CREBBP: variants seen among roughly 807,000 people sequenced by gnomAD.
The protein encoded by CREBBP is CREB-binding protein.
Under a neutral mutation model 265.0 loss-of-function variants are expected in CREBBP, and 19 were observed. The ratio of observed to expected loss-of-function variants is 0.07; its 90% confidence interval spans 0.05 to 0.11. The LOEUF (loss-of-function observed/expected upper bound fraction) is 0.11. Among genes scored for constraint, CREBBP ranks in the 10% least tolerant of loss-of-function variants. The probability of loss-of-function intolerance (pLI) is 1.00; values close to 1 mark genes in which losing one functional copy is unlikely to be tolerated. For synonymous variants in CREBBP, 1,457 were observed against 1,223.7 expected (o/e 1.19, Z -3.98); for missense variants, 2,525 against 3,219.0 (o/e 0.78, Z 5.22).
rs201851173 is a variant in CREBBP, at chr16:3,727,692, A to G, written c.*26T>C. On this transcript the variant is annotated 3_prime_UTR_variant, in exon 31 of 31. Coordinates refer to ENST00000262367, the MANE Select transcript of CREBBP (RefSeq NM_004380.3). ...AGTACAAAAGGTCCAAGAACATGAA[A>G]GGGAAAAGGTGATGCTCTCACAATG... 274 of 1,612,360 alleles carry G rather than the reference A, an allele frequency of 1.7e-4. No individual in the cohort carries two copies. In the African/African-American group the frequency reaches 3.3e-3, roughly 19 times the overall value.
At position 3,810,678 on chromosome 16, in the gene CREBBP, T is replaced by C; in HGVS notation, c.900A>G (p.Lys300=). The C allele has an allele frequency of 6.2e-7, 1 of 1,613,918 alleles. No individual in the cohort carries two copies. The highest frequency in any genetic ancestry group is 8.5e-7 in the Non-Finnish European group (1 of 1,180,002). The change falls in exon 3 of 31, where the codon AAA becomes AAG. Residue 300 remains lysine, a synonymous_variant. Transcript: ENST00000262367. ...TGGGCAAACTGTTGACCATGCTCTGTTTGCTGGCTAACTGGGGGTTCACTC... is the reference window on the plus strand; with the variant it reads ...TGGGCAAACTGTTGACCATGCTCTGCTTGCTGGCTAACTGGGGGTTCACTC... ...ATGVNPQLAS[K]QSMVNSLPTF... is the part of the protein sequence containing the mutation.
chr16:3,789,629 A>G (rs1197424172), intron 5 of CREBBP, among the ~76,000 whole-genome samples: 2 of 152,214 alleles, frequency 1.3e-5, no homozygotes, highest in African/African-American at 4.8e-5. Flanking sequence ...CACGATAAGC[A>G]TAATTTGCTT....
chr16:3,869,556 T>C (rs1391388210), intron 1 of CREBBP, among the ~76,000 whole-genome samples: 6 of 152,214 alleles, frequency 3.9e-5, no homozygotes, highest in Non-Finnish European at 8.8e-5. Context: ...TGCTGTCCAA[T>C]ACCGTAGTGA....
chr16:3,830,844 C>T (rs753313389), intron 2 of CREBBP, among the ~76,000 whole-genome samples: 4 of 152,166 alleles, frequency 2.6e-5, no homozygotes, highest in Admixed American at 1.3e-4. Flanking sequence ...TGCAGTGGCG[C>T]GATCTCAGCT....
chr16:3,729,134 G>GTGC lies in CREBBP; in HGVS notation c.5910_5912dup (p.Gln1970dup). ...TGTTGTTGATGTTCACCCGGTACAG[G>GTGC]TGCTGCTGCTGCTGGGCCTCACGCT... On this transcript the variant is annotated inframe_insertion, in exon 31 of 31. Transcript: ENST00000262367. 1 of 1,570,876 alleles carries GTGC rather than the reference G, an allele frequency of 6.4e-7. No individual in the cohort carries two copies. The highest frequency in any genetic ancestry group is 8.6e-7 in the Non-Finnish European group (1 of 1,165,096).
At chr16:3,792,431 A>C (rs1264551884) in intron 4 of CREBBP, among the ~76,000 whole-genome samples, 1 of 152,246 alleles carries the variant, frequency 6.6e-6, no homozygotes, top group Non-Finnish European at 1.5e-5. Context: ...CACTATTTAA[A>C]ATAAAAATGT....
chr16:3,774,495 T>C, intron 12 of CREBBP, 74 bp downstream of exon 12: 2 of 1,597,344 alleles, frequency 1.3e-6, no homozygotes, highest in Non-Finnish European at 1.7e-6. Flanking sequence ...TCAAGTGACA[T>C]GAATTCTGCT....
intron 11 of CREBBP, among the ~76,000 whole-genome samples, chr16:3,777,397 GCTT>G (rs1455799788): frequency 2.6e-5 from 4 of 151,964 alleles, no homozygotes; most frequent in East Asian, 1.9e-4. Flanking sequence ...GCTAAATACT[GCTT>G]CTTATCTCTT....
chr16:3,744,789 G>A (rs1567276626), intron 23 of CREBBP, 105 bp downstream of exon 23: 5 of 882,674 alleles, frequency 5.7e-6, no homozygotes, highest in Admixed American at 1.9e-5. Context: ...TTTGACAACC[G>A]AACCTCAGAA....
At chr16:3,744,053 C>T (rs1466416650) in intron 23 of CREBBP, among the ~76,000 whole-genome samples, 5 of 151,960 alleles carry the variant, frequency 3.3e-5, no homozygotes, top group Admixed American at 6.6e-5. Context: ...TCCAGCCTGG[C>T]GACAGAGCGA....
At chr16:3,753,895 T>G (rs2151376967) in intron 19 of CREBBP, among the ~76,000 whole-genome samples, 1 of 152,120 alleles carries the variant, frequency 6.6e-6, no homozygotes, top group Middle Eastern at 3.4e-3. Context: ...CACAGGTGAG[T>G]CTAAATGGTT....
At chr16:3,745,503 ATTTT>A (rs2052321487) in intron 21 of CREBBP, 149 bp from the exon 22 acceptor site, 1 of 716,824 alleles carries the variant, frequency 1.4e-6, no homozygotes, top group Admixed American at 2.0e-5. Flanking sequence ...ATTCAGCTAT[ATTTT>A]ACAATGCATC....
intron 11 of CREBBP, among the ~76,000 whole-genome samples, chr16:3,776,187 G>A (rs2053134436): frequency 6.6e-6 from 1 of 151,904 alleles, no homozygotes; most frequent in African/African-American, 2.4e-5. Context: ...CAAAGTGCTG[G>A]GATTACAGGT....
At chr16:3,751,274 T>G (rs2151372635) in intron 20 of CREBBP, among the ~76,000 whole-genome samples, 1 of 152,236 alleles carries the variant, frequency 6.6e-6, no homozygotes, top group Middle Eastern at 3.4e-3. Flanking sequence ...TATACACATA[T>G]TCAAATTAAA....
At chr16:3,820,536 G>A (rs2054121907) in intron 2 of CREBBP, among the ~76,000 whole-genome samples, 1 of 152,226 alleles carries the variant, frequency 6.6e-6, no homozygotes, top group East Asian at 1.9e-4. Context: ...CTAACTGGAA[G>A]ACTAGTAACA....
At chr16:3,778,846 C>CTT in intron 8 of CREBBP, 29 bp from the exon 9 acceptor site, 7 of 1,501,898 alleles carry the variant, frequency 4.7e-6, no homozygotes, top group East Asian at 2.4e-5. Context: ...TATCAAACTA[C>CTT]TTTTTTTTTT....
intron 1 of CREBBP, among the ~76,000 whole-genome samples, chr16:3,866,945 CCTTT>C (rs2055189670): frequency 6.6e-6 from 1 of 152,126 alleles, no homozygotes; most frequent in Non-Finnish European, 1.5e-5. Context: ...CTGATTTTAC[CCTTT>C]CTTTTCTAAA....
chr16:3,735,228 C>G (rs912683839), intron 28 of CREBBP, among the ~76,000 whole-genome samples: 1 of 152,242 alleles, frequency 6.6e-6, no homozygotes, highest in Non-Finnish European at 1.5e-5. Flanking sequence ...CAGAGCACAC[C>G]ATGCTTGGGT....
intron 2 of CREBBP, among the ~76,000 whole-genome samples, chr16:3,846,001 T>TAA (rs1243128605): frequency 1.3e-5 from 2 of 149,784 alleles, no homozygotes; most frequent in African/African-American, 2.5e-5. Context: ...CTAAAAGCCA[T>TAA]AAAGGAAATA....
Sources: allele counts gnomAD v4.1 joint callset (sites outside exome capture counted in the v4.1 genomes callset), GRCh38; gene constraint gnomAD v4.1.1; transcripts MANE v1.5; gene names NCBI Gene and HGNC (gene_info 2026-07-23, HGNC 2026-07-21).